LIPK: variants seen among roughly 807,000 people sequenced by gnomAD.
The protein encoded by LIPK is lipase member K.
In LIPK, 32 loss-of-function variants were observed where a neutral mutation model predicts 48.6. That is an observed-to-expected ratio of 0.66 (90% CI 0.50 to 0.88). LIPK has a LOEUF of 0.88. LIPK is among the 40% of genes least tolerant of loss of function. The pLI is 0.00. For missense variants in LIPK, 507 were observed against 478.5 expected, an observed-to-expected ratio of 1.06 and a Z score of -0.56; for synonymous variants, 164 against 157.4, an observed-to-expected ratio of 1.04 and a Z score of -0.32.
chr10:88,721,118 ATATCC>A, intron 1 of LIPK, among the ~76,000 whole-genome samples: 1 of 151,356 alleles, frequency 6.6e-6, no homozygotes, highest in Non-Finnish European at 1.5e-5. Flanking sequence ...TCTTAGTCTA[ATATCC>A]TTATATGCAT....
chr10:88,745,300 T>C (rs1466183503), intron 9 of LIPK, among the ~76,000 whole-genome samples: 2 of 152,068 alleles, frequency 1.3e-5, no homozygotes, highest in African/African-American at 2.4e-5. Context: ...AGATAGTATA[T>C]AAGACAACCA....
chr10:88,735,006 C>T (rs1842543803), intron 6 of LIPK, among the ~76,000 whole-genome samples: 4 of 152,140 alleles, frequency 2.6e-5, no homozygotes, highest in Admixed American at 2.0e-4. Flanking sequence ...TTGATGCTGC[C>T]AGTTCTTTCA....
chr10:88,750,707 C>T (rs1280029406), intron 9 of LIPK, among the ~76,000 whole-genome samples: 1 of 152,014 alleles, frequency 6.6e-6, no homozygotes, highest in Non-Finnish European at 1.5e-5. Context: ...GTACTGTGCT[C>T]ATTACCTGGA....
chr10:88,708,286 C>G (rs1841970788), intron 1 of LIPK, among the ~76,000 whole-genome samples: 1 of 151,962 alleles, frequency 6.6e-6, no homozygotes, highest in Non-Finnish European at 1.5e-5. Context: ...AAGGATGATT[C>G]AAGCTAATAA....
intron 9 of LIPK, among the ~76,000 whole-genome samples, chr10:88,745,917 G>C (rs1281406224): frequency 6.6e-6 from 1 of 152,126 alleles, no homozygotes; most frequent in African/African-American, 2.4e-5. Context: ...TGGGCTCAAA[G>C]AAAAGGGAGG....
At chr10:88,743,471 T>C in intron 9 of LIPK, 150 bp downstream of exon 9, 1 of 561,934 alleles carries the variant, frequency 1.8e-6, no homozygotes, top group Non-Finnish European at 3.2e-6. Flanking sequence ...TCTTGCCATA[T>C]GCCATATCAT....
At chr10:88,748,933 C>T (rs1296403978) in intron 9 of LIPK, among the ~76,000 whole-genome samples, 4 of 151,606 alleles carry the variant, frequency 2.6e-5, no homozygotes, top group Non-Finnish European at 5.9e-5. Context: ...TGATAAATAA[C>T]TTCAGTAATG....
chr10:88,741,750 A>G (rs1308456336), intron 8 of LIPK, among the ~76,000 whole-genome samples: 1 of 152,218 alleles, frequency 6.6e-6, no homozygotes, highest in Non-Finnish European at 1.5e-5. Flanking sequence ...TACATGCTTT[A>G]TAGGTGTTAA....
chr10:88,718,905 T>C (rs1281720970), intron 1 of LIPK, among the ~76,000 whole-genome samples: 1 of 152,140 alleles, frequency 6.6e-6, no homozygotes, highest in Non-Finnish European at 1.5e-5. Context: ...CTTATTCTAT[T>C]TGAGAAGTGT....
At chr10:88,720,095 A>C (rs933235598) in intron 1 of LIPK, among the ~76,000 whole-genome samples, 2 of 152,180 alleles carry the variant, frequency 1.3e-5, no homozygotes, top group Non-Finnish European at 2.9e-5. Flanking sequence ...CTATTGGAGA[A>C]AGGGAGATTT....
chr10:88,707,818 C>T (rs1256360864), intron 1 of LIPK, among the ~76,000 whole-genome samples: 1 of 152,104 alleles, frequency 6.6e-6, no homozygotes, highest in African/African-American at 2.4e-5. Flanking sequence ...GTCTTTCACC[C>T]TGTGGGTGGG....
At chr10:88,712,599 T>A (rs908727785) in intron 1 of LIPK, among the ~76,000 whole-genome samples, 2 of 152,202 alleles carry the variant, frequency 1.3e-5, no homozygotes, top group Non-Finnish European at 2.9e-5. Context: ...TGTTTTTTTT[T>A]ATTAATTCCA....
intron 1 of LIPK, among the ~76,000 whole-genome samples, chr10:88,716,189 C>T (rs1341103293): frequency 6.6e-6 from 1 of 151,614 alleles, no homozygotes; most frequent in African/African-American, 2.4e-5. Flanking sequence ...AGATACTAGA[C>T]TAGATAGGTA....
At chr10:88,708,672 G>GA (rs1355645292) in intron 1 of LIPK, among the ~76,000 whole-genome samples, 1 of 151,892 alleles carries the variant, frequency 6.6e-6, no homozygotes, top group Non-Finnish European at 1.5e-5. Context: ...GAATCCAATA[G>GA]AATAATGATT....
intron 3 of LIPK, 83 bp downstream of exon 3, chr10:88,726,995 T>G (rs1252757621): frequency 3.8e-6 from 3 of 797,320 alleles, no homozygotes; most frequent in Non-Finnish European, 6.2e-6. Context: ...CAGTTTTTGT[T>G]CTGAAATTCT....
chr10:88,709,656 G>T (rs1841993137), intron 1 of LIPK, among the ~76,000 whole-genome samples: 1 of 150,750 alleles, frequency 6.6e-6, no homozygotes, highest in African/African-American at 2.4e-5. Flanking sequence ...TTTAAGCAAA[G>T]AATTCGAAAC....
chr10:88,709,635 A>C (rs76602079), intron 1 of LIPK, among the ~76,000 whole-genome samples: 154 of 144,132 alleles, frequency 1.1e-3, no homozygotes, highest in Non-Finnish European at 1.6e-3. Flanking sequence ...TCCTCTTTCT[A>C]TTTTTTTTTT....
At chr10:88,752,353 T>A (rs888833949) in intron 9 of LIPK, among the ~76,000 whole-genome samples, 164 bp from the exon 10 acceptor site, 2 of 152,220 alleles carry the variant, frequency 1.3e-5, no homozygotes, top group Non-Finnish European at 2.9e-5. Context: ...TGCACGAGAA[T>A]GGTTTCAAGT....
chr10:88,719,352 T>G (rs1398453763), intron 1 of LIPK, among the ~76,000 whole-genome samples: 1 of 152,196 alleles, frequency 6.6e-6, no homozygotes, highest in African/African-American at 2.4e-5. Context: ...TAGTCAATAG[T>G]TAGGAAGTGT....
Sources: allele counts gnomAD v4.1 joint callset (sites outside exome capture counted in the v4.1 genomes callset), GRCh38; gene constraint gnomAD v4.1.1; transcripts MANE v1.5; gene names NCBI Gene and HGNC (gene_info 2026-07-23, HGNC 2026-07-21).